The following SBF2 variants were observed in gnomAD, a reference collection of about 807,000 sequenced individuals.
SBF2 encodes SET binding factor 2.
A neutral mutation model predicts 225.2 loss-of-function variants in SBF2; 112 were observed. That is an observed-to-expected ratio of 0.50 (90% CI 0.43 to 0.58). The LOEUF (loss-of-function observed/expected upper bound fraction) is 0.58. Among genes scored for constraint, SBF2 ranks in the 20% least tolerant of loss-of-function variants. The pLI is 0.00. For synonymous variants in SBF2, 763 were observed against 773.3 expected (o/e 0.99, Z 0.22); for missense variants, 1,996 against 2,206.2 (o/e 0.90, Z 1.91).
At position 10,055,524 on chromosome 11, in the gene SBF2, T is replaced by TACAC. The variant is rs3993326; in HGVS notation, c.142-12547_142-12544dup. Among the ~76,000 whole-genome samples the TACAC allele has an allele frequency of 3.0e-3, 401 of 133,836 alleles. 2 individuals carry two copies. Among genetic ancestry groups the TACAC allele is most frequent in the East Asian group, 0.024 (108 of 4,462 alleles). The allele number at this position is 133,836 out of a possible 152,430, so 87.8% of individuals were successfully genotyped here. ...ACAGATGAGTAAATAAAGAAAATGA[T>TACAC]ACACACACACACACACACACACACA... On this transcript the variant is annotated intron_variant, in intron 2 of 39. Transcript: ENST00000256190.
chr11:10,206,981 C>T (rs1957772822), intron 1 of SBF2, among the ~76,000 whole-genome samples: 1 of 152,046 alleles, frequency 6.6e-6, no homozygotes. Context: ...AAGCACCAAA[C>T]ATATTCAAGA....
rs11042510 is a variant in SBF2, at chr11:9,847,293, A to G, written c.2807-210T>C. Among the ~76,000 whole-genome samples the G allele has an allele frequency of 0.72, 108,758 of 152,016 alleles. 40,032 individuals carry two copies. The highest frequency in any genetic ancestry group is 0.77 in the Non-Finnish European group (52,109 of 67,970). ...TACATTTCACACAACTAGCACAGGA[A>G]GCAGTAGAAGGGATCCTTGACTAGA... On this transcript the variant is annotated intron_variant, in intron 22 of 39. Coordinates refer to ENST00000256190, the MANE Select transcript of SBF2 (RefSeq NM_030962.4).
At chr11:10,195,507 T>C (rs1957323089) in intron 1 of SBF2, among the ~76,000 whole-genome samples, 1 of 152,234 alleles carries the variant, frequency 6.6e-6, no homozygotes. Context: ...AAGGCAACAA[T>C]ATTCTGATTA....
intron 9 of SBF2, among the ~76,000 whole-genome samples, chr11:9,996,480 C>A (rs1457742304): frequency 6.6e-6 from 1 of 152,184 alleles, no homozygotes; most frequent in Non-Finnish European, 1.5e-5. Context: ...ACCTCCGCCT[C>A]CCAGGTTCAT....
chr11:9,830,837 A>G (rs1855354673), intron 27 of SBF2, among the ~76,000 whole-genome samples: 1 of 152,116 alleles, frequency 6.6e-6, no homozygotes, highest in Admixed American at 6.6e-5. Context: ...GAAGTTGAAT[A>G]TGAAATATAG....
intron 1 of SBF2, among the ~76,000 whole-genome samples, chr11:10,226,975 C>A (rs1958594199): frequency 6.6e-6 from 1 of 152,220 alleles, no homozygotes; most frequent in Admixed American, 6.5e-5. Flanking sequence ...TCCACATCCT[C>A]TCCAGCACCT....
chr11:9,961,495 C>G (rs75168059), intron 16 of SBF2: 1 of 154,218 alleles, frequency 6.5e-6, no homozygotes, highest in Non-Finnish European at 1.4e-5. Context: ...ATCATACACA[C>G]ATTTTGAAGC....
chr11:9,829,077 C>T (rs576365514), intron 28 of SBF2, among the ~76,000 whole-genome samples: 1 of 152,052 alleles, frequency 6.6e-6, no homozygotes, highest in African/African-American at 2.4e-5. Context: ...AAGTTCGAGA[C>T]CAGACTGGGC....
chr11:9,985,859 G>A (rs1251886616), intron 13 of SBF2, among the ~76,000 whole-genome samples: 1 of 152,158 alleles, frequency 6.6e-6, no homozygotes, highest in Non-Finnish European at 1.5e-5. Flanking sequence ...TCCACTGGCA[G>A]CATTAGACAG....
chr11:10,193,963 AT>A lies in SBF2; in HGVS notation c.79del (p.Ile27Ter). ...GTCCTTCTGTGGAAATCTCTGGATT[AT>A]TTTCCCCAGACCTTCTCCTGATCCT... Reference protein sequence around the residue: ...KPGSGEGLGKIIQRFPQKDWD... With the variant: ...KPGSGEGLGKXIQRFPQKDWD... On this transcript the variant is annotated frameshift_variant, in exon 2 of 40. Transcript: ENST00000256190. LOFTEE classifies it high-confidence loss of function. The A allele has an allele frequency of 6.2e-7, 1 of 1,612,422 alleles. No individual in the cohort carries two copies. The highest frequency in any genetic ancestry group is 8.5e-7 in the Non-Finnish European group (1 of 1,178,552).
At position 9,879,517 on chromosome 11, in the gene SBF2, T is replaced by C. The variant is rs187167688; in HGVS notation, c.1929+16426A>G. On this transcript the variant is annotated intron_variant, in intron 17 of 39. Coordinates refer to ENST00000256190, the MANE Select transcript of SBF2 (RefSeq NM_030962.4). The stretch of plus-strand genomic sequence containing the variant: ...GGATGCTGACATGCATCATCATCGG[T>C]TTTGCCATTTGCCAGCTGGAGGACC... Among the ~76,000 whole-genome samples the C allele has an allele frequency of 1.4e-3, 216 of 152,214 alleles. 1 individual carries two copies. The highest frequency in any genetic ancestry group is 4.9e-3 in the African/African-American group (204 of 41,540).
chr11:9,980,348 C>T (rs1946899285), intron 13 of SBF2, among the ~76,000 whole-genome samples: 1 of 150,268 alleles, frequency 6.7e-6, no homozygotes, highest in South Asian at 2.1e-4. Flanking sequence ...ATTACCCAGG[C>T]TGGTCTCGAA....
intron 2 of SBF2, among the ~76,000 whole-genome samples, chr11:10,184,599 A>T (rs753945205): frequency 1.3e-5 from 2 of 152,204 alleles, no homozygotes; most frequent in Admixed American, 6.5e-5. Context: ...TATACCCACT[A>T]AACAACTTGC....
At chr11:9,923,497 G>A (rs749246384) in intron 16 of SBF2, among the ~76,000 whole-genome samples, 11 of 152,160 alleles carry the variant, frequency 7.2e-5, no homozygotes, top group Non-Finnish European at 1.3e-4. Flanking sequence ...GAAACATCAC[G>A]GCCACTGTTT....
At chr11:9,840,953 T>G (rs1856090841) in intron 25 of SBF2, among the ~76,000 whole-genome samples, 1 of 151,670 alleles carries the variant, frequency 6.6e-6, no homozygotes, top group African/African-American at 2.4e-5. Context: ...GTACTGCATG[T>G]TCTAACTGGG....
At chr11:10,009,819 G>A (rs1325099738) in intron 6 of SBF2, among the ~76,000 whole-genome samples, 1 of 152,168 alleles carries the variant, frequency 6.6e-6, no homozygotes, top group Non-Finnish European at 1.5e-5. Flanking sequence ...CTAGATACTG[G>A]AGGATCATCA....
intron 2 of SBF2, among the ~76,000 whole-genome samples, chr11:10,048,248 A>T (rs147360424): frequency 5.9e-4 from 90 of 152,250 alleles, no homozygotes; most frequent in Admixed American, 1.0e-3. Context: ...TAAATTCCAT[A>T]ACCCTATATC....
chr11:10,115,583 C>A (rs1478062629), intron 2 of SBF2, among the ~76,000 whole-genome samples: 1 of 152,154 alleles, frequency 6.6e-6, no homozygotes, highest in African/African-American at 2.4e-5. Context: ...AACTATTCTT[C>A]CTTGTTTTCT....
intron 2 of SBF2, among the ~76,000 whole-genome samples, chr11:10,113,812 A>C (rs1952997068): frequency 6.7e-6 from 1 of 148,962 alleles, no homozygotes; most frequent in Admixed American, 6.7e-5. Flanking sequence ...AAAAAAAAAA[A>C]AACTAATGAG....
Sources: allele counts gnomAD v4.1 joint callset (sites outside exome capture counted in the v4.1 genomes callset), GRCh38; gene constraint gnomAD v4.1.1; transcripts MANE v1.5; gene names NCBI Gene and HGNC (gene_info 2026-07-23, HGNC 2026-07-21).